CACNA1C: variants seen among roughly 807,000 people sequenced by gnomAD.
The protein encoded by CACNA1C is voltage-dependent L-type calcium channel subunit alpha-1C.
In CACNA1C, 30 loss-of-function variants were observed where a neutral mutation model predicts 229.0. That is an observed-to-expected ratio of 0.13 (90% confidence interval 0.10 to 0.18). The LOEUF is 0.18. CACNA1C is among the 10% of genes least tolerant of loss of function. The pLI is 1.00. For missense variants in CACNA1C, 1,658 were observed against 2,845.0 expected (o/e 0.58, Z 9.49); for synonymous variants, 1,114 against 1,132.5 (o/e 0.98, Z 0.33).
intron 38 of CACNA1C, 67 bp downstream of exon 38, chr12:2,669,102 G>T (rs566436898): frequency 5.3e-6 from 6 of 1,134,446 alleles, no homozygotes; most frequent in Non-Finnish European, 8.0e-6. Context: ...AGAGGAGCTC[G>T]GCAGCCTGCA....
chr12:2,483,086 A>T (rs1009461945), intron 5 of CACNA1C, among the ~76,000 whole-genome samples: 1 of 152,242 alleles, frequency 6.6e-6, no homozygotes, highest in African/African-American at 2.4e-5. Context: ...CCTGAGACAC[A>T]AAGATAAGAA....
At chr12:2,563,172 G>T (rs2048399354) in intron 11 of CACNA1C, among the ~76,000 whole-genome samples, 1 of 152,076 alleles carries the variant, frequency 6.6e-6, no homozygotes, top group South Asian at 2.1e-4. Flanking sequence ...TAATATAATG[G>T]CCTCCAGTTC....
chr12:2,304,376 C>T (rs1221183229), intron 3 of CACNA1C, among the ~76,000 whole-genome samples: 2 of 152,166 alleles, frequency 1.3e-5, no homozygotes, highest in Non-Finnish European at 2.9e-5. Context: ...AGCCAAGGGT[C>T]CCTCTCACAG....
intron 30 of CACNA1C, among the ~76,000 whole-genome samples, chr12:2,644,514 T>C (rs2094127485): frequency 6.6e-6 from 1 of 152,220 alleles, no homozygotes; most frequent in South Asian, 2.1e-4. Flanking sequence ...GAAGAGCTAT[T>C]TTTCAACTAC....
At chr12:2,446,100 AGT>A (rs937354000) in intron 3 of CACNA1C, among the ~76,000 whole-genome samples, 3 of 150,188 alleles carry the variant, frequency 2.0e-5, no homozygotes, top group Non-Finnish European at 4.4e-5. Context: ...AGAATGAGTG[AGT>A]GGGTGAACGA....
At chr12:2,385,229 T>A (rs1462882477) in intron 3 of CACNA1C, among the ~76,000 whole-genome samples, 2 of 152,158 alleles carry the variant, frequency 1.3e-5, no homozygotes, top group African/African-American at 4.8e-5. Context: ...TTCAGAGGGA[T>A]CTGCTTGAGC....
chr12:2,340,818 G>C (rs527790272), intron 3 of CACNA1C, among the ~76,000 whole-genome samples: 9 of 152,118 alleles, frequency 5.9e-5, no homozygotes, highest in African/African-American at 2.2e-4. Flanking sequence ...TTAGCCGGGC[G>C]TGGTGGCGGG....
intron 3 of CACNA1C, among the ~76,000 whole-genome samples, chr12:2,128,398 G>A (rs964625880): frequency 2.6e-5 from 4 of 151,844 alleles, no homozygotes; most frequent in African/African-American, 4.8e-5. Flanking sequence ...GTTAGCCAAA[G>A]GTAAATACAT....
chr12:2,189,826 G>A (rs940294306), intron 3 of CACNA1C, among the ~76,000 whole-genome samples: 1 of 152,084 alleles, frequency 6.6e-6, no homozygotes, highest in Non-Finnish European at 1.5e-5. Context: ...ACTCACAAAA[G>A]TACTTGAGGC....
At chr12:2,556,508 C>T (rs2044369177) in intron 10 of CACNA1C, among the ~76,000 whole-genome samples, 1 of 152,220 alleles carries the variant, frequency 6.6e-6, no homozygotes, top group Non-Finnish European at 1.5e-5. Flanking sequence ...CTGGTCTTCC[C>T]TTCATAACCC....
chr12:2,672,063 C>T (rs2096593862), intron 38 of CACNA1C: 1 of 152,224 alleles, frequency 6.6e-6, no homozygotes, highest in Non-Finnish European at 1.5e-5. Context: ...GAAGATGAGG[C>T]TTGCATCAGT....
rs1207455395 is a variant in CACNA1C, at chr12:2,152,766, A to C, written c.477+32336A>C. 6.6e-6 allele frequency among the ~76,000 whole-genome samples: 1 copy of C among 152,244 alleles called. No individual in the cohort carries two copies. Among genetic ancestry groups the C allele is most frequent in the African/African-American group, 2.4e-5 (1 of 41,470 alleles). On this transcript the variant is annotated intron_variant, in intron 3 of 46. Transcript: ENST00000399655. The surrounding 1 kb of genome is among the most constrained non-coding windows in gnomAD (Gnocchi z 4.2). ...TCAAGTAACACAAAAAAGTCAGGAC[A>C]TGGAACCAGGAGGTGGAAGTGCCTT... is the stretch of plus-strand genomic sequence containing the variant.
chr12:2,146,914 C>T (rs2094767263), intron 3 of CACNA1C, among the ~76,000 whole-genome samples: 1 of 150,928 alleles, frequency 6.6e-6, no homozygotes, highest in African/African-American at 2.4e-5. Flanking sequence ...CCAAGCAGGG[C>T]TGAGTTAGGG....
intron 3 of CACNA1C, among the ~76,000 whole-genome samples, chr12:2,353,022 C>A (rs1020533448): frequency 2.6e-5 from 4 of 152,176 alleles, no homozygotes; most frequent in African/African-American, 9.7e-5. Flanking sequence ...TTTAAGGAAT[C>A]TTGTCCTTAA....
chr12:2,198,510 C>T (rs2097487427), intron 3 of CACNA1C, among the ~76,000 whole-genome samples: 1 of 152,224 alleles, frequency 6.6e-6, no homozygotes, highest in South Asian at 2.1e-4. Context: ...CGTGCGGCAC[C>T]ATGTTGATGA....
intron 3 of CACNA1C, among the ~76,000 whole-genome samples, chr12:2,366,368 A>G (rs2097718232): frequency 1.3e-5 from 2 of 152,232 alleles, no homozygotes; most frequent in Non-Finnish European, 2.9e-5. Flanking sequence ...AATAAAAATT[A>G]GAATTTAGTT....
At position 2,585,554 on chromosome 12, in the gene CACNA1C, A is replaced by C. The variant is rs1010076873; in HGVS notation, c.2460+58A>C. 8 of 1,490,108 alleles carry C rather than the reference A, an allele frequency of 5.4e-6. No homozygotes were observed. Among genetic ancestry groups the C allele is most frequent in the Non-Finnish European group, 6.3e-6 (7 of 1,113,528 alleles). The allele number at this position is 1,490,108 out of a possible 1,614,324, so 92.3% of individuals were successfully genotyped here. On this transcript the variant is annotated intron_variant, in intron 17 of 46. Coordinates refer to ENST00000399655, the MANE Select transcript of CACNA1C (RefSeq NM_000719.7). This position sits in a 1 kb window ranked among gnomAD's most constrained non-coding sequence, Gnocchi z 4.1. ...GCCGGTGCTGGGGAGGGAGGGCCAC[A>C]GCCTTCCCAGGCCAGAACCCTGTGG...
intron 1 of CACNA1C, among the ~76,000 whole-genome samples, chr12:2,007,485 A>G (rs2043667969): frequency 6.6e-6 from 1 of 152,244 alleles, no homozygotes; most frequent in East Asian, 1.9e-4. Flanking sequence ...GATGAAATTC[A>G]TTAATTCTTC....
rs34472488 is a variant in CACNA1C at position 2,488,118 on chromosome 12, G to A, written c.916+1856G>A. On this transcript the variant is annotated intron_variant, in intron 6 of 46. Transcript: ENST00000399655. The surrounding 1 kb of genome is among the most constrained non-coding windows in gnomAD (Gnocchi z 4.0). ...ATTCAGCCATCGAGCCAAAGATGGC[G>A]GCCCTGCTGTGCAATCAGAGGTCTG... 9.2e-3 allele frequency among the ~76,000 whole-genome samples: 1,408 copies of A among 152,320 alleles called. 7 individuals carry two copies. The highest frequency in any genetic ancestry group is 0.014 in the Non-Finnish European group (981 of 68,030).
Sources: allele counts gnomAD v4.1 joint callset (sites outside exome capture counted in the v4.1 genomes callset), GRCh38; gene constraint gnomAD v4.1.1; non-coding constraint Gnocchi (gnomAD v3.1); transcripts MANE v1.5; gene names NCBI Gene and HGNC (gene_info 2026-07-23, HGNC 2026-07-21).